Variants in MSH4 observed in about 807,000 individuals in gnomAD.
MSH4 encodes mutS homolog 4.
Under a neutral mutation model 113.7 loss-of-function variants are expected in MSH4, and 106 were observed. That is an observed-to-expected ratio of 0.93 (90% CI 0.80 to 1.10). The LOEUF (loss-of-function observed/expected upper bound fraction) is 1.10, where lower values mean the gene tolerates loss of function less well. Ranked by LOEUF, MSH4 falls within the 50% of genes least tolerant of loss-of-function variation. The pLI is 0.00. For missense variants in MSH4, 1,061 were observed against 1,093.7 expected (o/e 0.97, Z 0.42); for synonymous variants, 368 against 380.2 (o/e 0.97, Z 0.37).
chr1:75,847,107 C>G (rs978078328), intron 7 of MSH4, among the ~76,000 whole-genome samples: 1 of 152,124 alleles, frequency 6.6e-6, no homozygotes, highest in African/African-American at 2.4e-5. Flanking sequence ...TGAACTCATC[C>G]TTTTATCAAG....
chr1:75,883,915 A>G, intron 15 of MSH4, 94 bp downstream of exon 15: 2 of 1,007,094 alleles, frequency 2.0e-6, no homozygotes, highest in South Asian at 1.6e-5. Flanking sequence ...TAATTAACCC[A>G]AGAACAGTTT....
intron 1 of MSH4, among the ~76,000 whole-genome samples, chr1:75,801,410 CA>C (rs35503071): frequency 1.2e-4 from 17 of 145,670 alleles, no homozygotes; most frequent in South Asian, 1.1e-3. Context: ...ATTAAAAATA[CA>C]AAAAAAAAAT....
Position 75,803,797 on chromosome 1 carries a change from C to G in MSH4, c.311C>G (p.Ala104Gly). ...NTVASNFTFGASSSSARDTNY... is the reference protein window; with the variant it reads ...NTVASNFTFGGSSSSARDTNY... ...GTTGCATCAAATTTTACTTTTGGTG[C>G]AAGCTCATCTTCTGCACGAGATACT... The change falls in exon 2 of 20, where the codon GCA (alanine) becomes GGA (glycine). Residue 104 changes from alanine (A) to glycine (G), a missense_variant. By Grantham distance (60) the Ala-to-Gly change is moderately conservative. Transcript: ENST00000263187. 6.2e-7 allele frequency: 1 copy of G among 1,607,004 alleles called. No homozygotes were observed. Among genetic ancestry groups the G allele is most frequent in the Non-Finnish European group, 8.5e-7 (1 of 1,177,556 alleles).
At chr1:75,806,469 G>A (rs1177747219) in intron 2 of MSH4, among the ~76,000 whole-genome samples, 1 of 151,782 alleles carries the variant, frequency 6.6e-6, no homozygotes, top group Admixed American at 6.6e-5. Flanking sequence ...GGATGGTCTC[G>A]ATTTCCTGGC....
intron 7 of MSH4, among the ~76,000 whole-genome samples, chr1:75,838,341 T>A (rs1650876383): frequency 6.6e-6 from 1 of 152,166 alleles, no homozygotes; most frequent in Non-Finnish European, 1.5e-5. Flanking sequence ...ACACTGATCC[T>A]CCTGCCACCC....
At chr1:75,883,848 C>T (rs753676340) in intron 15 of MSH4, 27 bp downstream of exon 15, 24 of 1,582,238 alleles carry the variant, frequency 1.5e-5, no homozygotes, top group Non-Finnish European at 1.7e-5. Flanking sequence ...TTTATAATGA[C>T]CAGTTTTACA....
Position 75,803,829 on chromosome 1 carries a change from C to T in MSH4, c.343C>T (p.Pro115Ser), listed in dbSNP as rs369865402. ...ATCTTCTGCACGAGATACTAATTAT[C>T]CTCAAACACTTAAAACTCCATTGTC... ...SSSSARDTNY[P>S]QTLKTPLSTG... is the part of the protein sequence containing the mutation. The change falls in exon 2 of 20, where the codon CCT becomes TCT. Residue 115 changes from proline to serine, a missense_variant. Pro to Ser is a moderately conservative substitution (Grantham distance 74). Transcript: ENST00000263187. 6.2e-6 allele frequency: 10 copies of T among 1,603,956 alleles called. No homozygotes were observed. Among genetic ancestry groups the T allele is most frequent in the South Asian group, 4.5e-5 (4 of 89,194 alleles).
At chr1:75,912,469 A>T (rs1462846139) in intron 19 of MSH4, among the ~76,000 whole-genome samples, 1 of 152,122 alleles carries the variant, frequency 6.6e-6, no homozygotes, top group Non-Finnish European at 1.5e-5. Flanking sequence ...TCTGTGATAA[A>T]GTAACAAATA....
At chr1:75,872,890 C>T (rs1337868727) in intron 9 of MSH4, among the ~76,000 whole-genome samples, 1 of 152,152 alleles carries the variant, frequency 6.6e-6, no homozygotes. Context: ...CAGAACAAAT[C>T]GATAATGCTG....
intron 7 of MSH4, among the ~76,000 whole-genome samples, chr1:75,840,292 G>A (rs1375537188): frequency 3.5e-5 from 5 of 141,724 alleles, no homozygotes; most frequent in Non-Finnish European, 7.7e-5. Flanking sequence ...ATGATAGACT[G>A]GATTAAGAAA....
rs1216538468 is a variant in MSH4 at position 75,912,608 on chromosome 1, A to G, written c.2620-88A>G. 1.7e-5 allele frequency: 14 copies of G among 807,850 alleles called. 1 individual carries two copies. The Admixed American group carries it at 4.1e-4, about 23-fold the overall frequency. The allele number at this position is 807,850 out of a possible 1,614,324, so 50.0% of individuals were successfully genotyped here. A position where few individuals can be genotyped will look rare whatever the true frequency, so the allele number is the denominator to read the frequency against. ...CCCTTGAGTTCCATATGTCTATGGA[A>G]GGAGATAGAATATTGCCAACATGTG... On this transcript the variant is annotated intron_variant, in intron 19 of 19. Transcript: ENST00000263187.
At chr1:75,885,059 G>GTGTGTGTGTGTA (rs1300289205) in intron 15 of MSH4, among the ~76,000 whole-genome samples, 31 of 112,548 alleles carry the variant, frequency 2.8e-4, no homozygotes, top group South Asian at 2.6e-4. Flanking sequence ...GTGTGTGTGT[G>GTGTGTGTGTGTA]TATATATATA....
Position 75,822,515 on chromosome 1 carries a change from A to G in MSH4, c.1096A>G (p.Asn366Asp). 1.9e-6 allele frequency: 3 copies of G among 1,587,884 alleles called. No individual in the cohort carries two copies. Among genetic ancestry groups the G allele is most frequent in the South Asian group, 1.2e-5 (1 of 85,980 alleles). Residue 366 changes from asparagine to aspartate, a missense_variant, in exon 7 of 20, where the codon AAC (asparagine) becomes GAC (aspartate). Coordinates refer to ENST00000263187, the MANE Select transcript of MSH4 (RefSeq NM_002440.4). Reference protein sequence around the residue: ...LEPLVDIETINMRLDCVQELL... With the variant: ...LEPLVDIETIDMRLDCVQELL... ...GCCTCTAGTTGATATTGAAACCATT[A>G]ACATGAGATTAGATTGTGTTCAAGA... is the stretch of plus-strand genomic sequence containing the variant.
chr1:75,888,274 T>A (rs1321860586), intron 15 of MSH4, among the ~76,000 whole-genome samples: 2 of 151,858 alleles, frequency 1.3e-5, no homozygotes, highest in African/African-American at 2.4e-5. Context: ...ATTCTGTATA[T>A]GTGGTACGTT....
chr1:75,878,460 C>G, intron 11 of MSH4, 142 bp downstream of exon 11: 2 of 654,000 alleles, frequency 3.1e-6, no homozygotes, highest in South Asian at 4.9e-5. Context: ...GCATGTAGTG[C>G]CATTTAAGGA....
At position 75,804,499 on chromosome 1, in the gene MSH4, C is replaced by CT. The variant is rs5775308; in HGVS notation, c.427+607dup. On this transcript the variant is annotated intron_variant, in intron 2 of 19. Transcript: ENST00000263187. ...AGCTCTGTAGTAGAATATGACCTTC[C>CT]TTTTTTTTTTTTTTTTTTTTTAATT... is the stretch of plus-strand genomic sequence containing the variant. Among the ~76,000 whole-genome samples the CT allele has an allele frequency of 9.2e-3, 1,129 of 123,264 alleles. 8 individuals carry two copies. Among genetic ancestry groups the CT allele is most frequent in the African/African-American group, 0.023 (765 of 33,298 alleles). The allele number at this position is 123,264 out of a possible 152,430, so 80.9% of individuals were successfully genotyped here.
At chr1:75,862,078 C>G (rs188705376) in intron 8 of MSH4, among the ~76,000 whole-genome samples, 1 of 152,248 alleles carries the variant, frequency 6.6e-6, no homozygotes, top group Admixed American at 6.5e-5. Context: ...TCTCTGTGGG[C>G]GTGGAACCTG....
At position 75,797,043 on chromosome 1, in the gene MSH4, T is replaced by A; in HGVS notation, c.58T>A (p.Ser20Thr). ...SPSAPAVSPS[S>T]GETRSPQGPR... Reference sequence around the variant, plus strand: ...TTCTGCCCCGGCGGTTTCCCCGTCGTCGGGAGAAACCCGCTCACCTCAGGG... The same window carrying A: ...TTCTGCCCCGGCGGTTTCCCCGTCGACGGGAGAAACCCGCTCACCTCAGGG... Residue 20 changes from serine (S) to threonine (T), a missense_variant, in exon 1 of 20, where the codon TCG becomes ACG. By Grantham distance (58) the Ser-to-Thr change is moderately conservative (BLOSUM62 1). Transcript: ENST00000263187. 6.2e-7 allele frequency: 1 copy of A among 1,614,044 alleles called. No individual in the cohort carries two copies. The highest frequency in any genetic ancestry group is 2.2e-5 in the East Asian group (1 of 44,876).
chr1:75,817,830 C>T (rs1650324604), intron 6 of MSH4, among the ~76,000 whole-genome samples: 2 of 152,020 alleles, frequency 1.3e-5, no homozygotes, highest in African/African-American at 4.8e-5. Context: ...GGAGACACCC[C>T]CCCTCCCCCT....
Sources: allele counts gnomAD v4.1 joint callset (sites outside exome capture counted in the v4.1 genomes callset), GRCh38; gene constraint gnomAD v4.1.1; transcripts MANE v1.5; gene names NCBI Gene and HGNC (gene_info 2026-07-23, HGNC 2026-07-21).